Variants in ADGRL2 observed in about 807,000 individuals in gnomAD.
ADGRL2 encodes adhesion G protein-coupled receptor L2.
ADGRL2 carries 44 observed loss-of-function variants against 157.4 expected under a neutral mutation model. The ratio of observed to expected loss-of-function variants is 0.28; its 90% CI spans 0.22 to 0.36. The LOEUF (loss-of-function observed/expected upper bound fraction) is 0.36, where lower values mean the gene tolerates loss of function less well. ADGRL2 is among the 10% of genes least tolerant of loss of function. ADGRL2 has a pLI of 1.00. For missense variants in ADGRL2, 1,510 were observed against 1,768.9 expected, an observed-to-expected ratio of 0.85 and a Z score of 2.63; for synonymous variants, 585 against 624.7, an observed-to-expected ratio of 0.94 and a Z score of 0.95.
At chr1:81,743,613 T>C (rs2085149081) in intron 1 of ADGRL2, among the ~76,000 whole-genome samples, 1 of 152,186 alleles carries the variant, frequency 6.6e-6, no homozygotes, top group Admixed American at 6.6e-5. Context: ...TTAAAGGTTC[T>C]ATAAGAAAAT....
chr1:81,381,055 T>C (rs1050926184), intron 1 of ADGRL2, among the ~76,000 whole-genome samples: 6 of 152,106 alleles, frequency 3.9e-5, no homozygotes, highest in African/African-American at 1.2e-4. Flanking sequence ...CTTGGATAGA[T>C]TGGAACTATA....
At chr1:81,626,759 T>C (rs1042061253) in intron 3 of ADGRL2, among the ~76,000 whole-genome samples, 3 of 152,248 alleles carry the variant, frequency 2.0e-5, no homozygotes, top group Non-Finnish European at 4.4e-5. Context: ...AGGAATGTTC[T>C]ACTTCAGTCC....
intron 3 of ADGRL2, among the ~76,000 whole-genome samples, chr1:81,922,435 A>T: frequency 6.6e-6 from 1 of 152,182 alleles, no homozygotes; most frequent in East Asian, 1.9e-4. Flanking sequence ...TATCATATTT[A>T]AAAAACTATT....
chr1:81,948,173 C>T (rs760415531), intron 6 of ADGRL2, among the ~76,000 whole-genome samples: 2 of 149,470 alleles, frequency 1.3e-5, no homozygotes, highest in African/African-American at 2.5e-5. Context: ...GCCGAGACCA[C>T]ACCACTGCAC....
intron 1 of ADGRL2, among the ~76,000 whole-genome samples, chr1:81,330,440 G>A (rs1661194553): frequency 6.6e-6 from 1 of 152,048 alleles, no homozygotes; most frequent in South Asian, 2.1e-4. Flanking sequence ...TACTGCTGGG[G>A]AACATACAGA....
intron 2 of ADGRL2, among the ~76,000 whole-genome samples, chr1:81,906,019 G>T (rs2094578702): frequency 6.6e-6 from 1 of 151,172 alleles, no homozygotes; most frequent in Non-Finnish European, 1.5e-5. Context: ...TGTTGGGGAA[G>T]AAATATATTT....
At chr1:81,781,006 T>A (rs1571197097) in intron 2 of ADGRL2, among the ~76,000 whole-genome samples, 1 of 152,232 alleles carries the variant, frequency 6.6e-6, no homozygotes, top group East Asian at 1.9e-4. Flanking sequence ...TTCTATCTCT[T>A]ACAGTTGTGA....
chr1:81,351,224 T>G (rs1018159275), intron 1 of ADGRL2, among the ~76,000 whole-genome samples: 1 of 151,772 alleles, frequency 6.6e-6, no homozygotes, highest in African/African-American at 2.4e-5. Context: ...TTTATTTGTG[T>G]GAGGTTGTTC....
intron 2 of ADGRL2, among the ~76,000 whole-genome samples, chr1:81,532,117 A>G (rs1485188842): frequency 6.6e-6 from 1 of 152,238 alleles, no homozygotes; most frequent in Non-Finnish European, 1.5e-5. Context: ...TCTCATCTGC[A>G]AAATGGGAAT....
chr1:81,981,872 C>T lies in ADGRL2; in HGVS notation c.3178C>T (p.Leu1060Phe), dbSNP rs1388462679. 6.2e-7 allele frequency: 1 copy of T among 1,612,392 alleles called. No homozygotes were observed. The highest frequency in any genetic ancestry group is 1.1e-5 in the South Asian group (1 of 91,028). The change falls in exon 19 of 24, where the codon CTT becomes TTT. Residue 1060 changes from leucine (L) to phenylalanine (F), a missense_variant. Around this residue, in one of 4 missense-constraint regions of ADGRL2, gnomAD observed 497 missense variants for 627.2 expected, o/e 0.79. Coordinates refer to ENST00000686636, the MANE Select transcript of ADGRL2 (RefSeq NM_001366006.2). ...LLGLTWSFGL[L>F]FINEETIVMA... ...TGGCCTCACCTGGTCCTTTGGGTTG[C>T]TTTTTATTAATGAGGAGACTATTGT...
chr1:81,773,240 T>C (rs1174747851), intron 2 of ADGRL2, among the ~76,000 whole-genome samples: 1 of 152,222 alleles, frequency 6.6e-6, no homozygotes, highest in Non-Finnish European at 1.5e-5. Flanking sequence ...AACCAGTAAA[T>C]TGCCTGTGCT....
intron 1 of ADGRL2, among the ~76,000 whole-genome samples, chr1:81,802,241 A>T (rs1309399574): frequency 6.6e-6 from 1 of 152,036 alleles, no homozygotes; most frequent in Admixed American, 6.5e-5. Context: ...TAAGAGCCGC[A>T]GGAGCGAACA....
intron 2 of ADGRL2, among the ~76,000 whole-genome samples, chr1:81,577,958 G>T (rs1165330777): frequency 6.6e-6 from 1 of 152,112 alleles, no homozygotes; most frequent in Non-Finnish European, 1.5e-5. Flanking sequence ...TAGATTAATT[G>T]CTTATCAAGT....
At chr1:81,800,920 G>C (rs1041185293), upstream of ADGRL2, among the ~76,000 whole-genome samples, 7 of 149,154 alleles carry the variant, frequency 4.7e-5, no homozygotes, top group Admixed American at 4.0e-4. Flanking sequence ...GGCCGCCTCC[G>C]GGGCGCGTTC....
chr1:81,494,284 A>T (rs1198782596), intron 2 of ADGRL2, among the ~76,000 whole-genome samples: 1 of 152,168 alleles, frequency 6.6e-6, no homozygotes, highest in African/African-American at 2.4e-5. Context: ...AAACAAGATA[A>T]TGTGTCCCAT....
At chr1:81,587,034 G>A (rs2081041522) in intron 3 of ADGRL2, among the ~76,000 whole-genome samples, 1 of 152,012 alleles carries the variant, frequency 6.6e-6, no homozygotes, top group African/African-American at 2.4e-5. Context: ...CCAACAAGAG[G>A]AAAATGACTG....
intron 3 of ADGRL2, among the ~76,000 whole-genome samples, chr1:81,678,590 C>T (rs2083043902): frequency 6.6e-6 from 1 of 152,112 alleles, no homozygotes; most frequent in South Asian, 2.1e-4. Flanking sequence ...TCAGATTGTC[C>T]ATTCTTCCCT....
intron 2 of ADGRL2, among the ~76,000 whole-genome samples, chr1:81,879,047 A>T (rs933525770): frequency 1.3e-5 from 2 of 152,260 alleles, no homozygotes; most frequent in African/African-American, 4.8e-5. Flanking sequence ...AAAACCAAAT[A>T]TGAAAATAAT....
intron 1 of ADGRL2, among the ~76,000 whole-genome samples, chr1:81,344,651 A>G (rs1662331431): frequency 7.7e-6 from 1 of 130,056 alleles, no homozygotes; most frequent in Non-Finnish European, 1.6e-5. Flanking sequence ...GGGTGACAAG[A>G]GCGAAACTCT....
Sources: allele counts gnomAD v4.1 joint callset (sites outside exome capture counted in the v4.1 genomes callset), GRCh38; gene constraint gnomAD v4.1.1; regional missense constraint gnomAD v4.1.1; transcripts MANE v1.5; gene names NCBI Gene and HGNC (gene_info 2026-07-23, HGNC 2026-07-21).